Variants in TTLL11 observed in about 807,000 individuals in gnomAD.
The protein encoded by TTLL11 is tubulin polyglutamylase TTLL11.
A neutral mutation model predicts 51.7 loss-of-function variants in TTLL11; 42 were observed. The ratio of observed to expected loss-of-function variants is 0.81; its 90% confidence interval spans 0.64 to 1.05. The LOEUF is 1.05. TTLL11 is among the 50% of genes least tolerant of loss of function. The probability of loss-of-function intolerance (pLI) is 0.00; values close to 1 mark genes in which losing one functional copy is unlikely to be tolerated. For synonymous variants in TTLL11, 381 were observed against 383.5 expected (o/e 0.99, Z 0.08); for missense variants, 799 against 940.4 (o/e 0.85, Z 1.97).
chr9:122,091,454 T>C (rs1846256923), intron 1 of TTLL11, among the ~76,000 whole-genome samples: 1 of 152,176 alleles, frequency 6.6e-6, no homozygotes, highest in Non-Finnish European at 1.5e-5. Context: ...GCCCAGACAC[T>C]TGGAGTCAAA....
chr9:121,980,505 G>A (rs1842804245), intron 4 of TTLL11, among the ~76,000 whole-genome samples: 1 of 152,176 alleles, frequency 6.6e-6, no homozygotes, highest in Non-Finnish European at 1.5e-5. Flanking sequence ...CTCTGCAGTT[G>A]AACCAGCTAC....
chr9:121,851,207 A>G (rs1232324507), intron 8 of TTLL11, among the ~76,000 whole-genome samples: 1 of 152,180 alleles, frequency 6.6e-6, no homozygotes, highest in Non-Finnish European at 1.5e-5. Flanking sequence ...GAGCACAGGG[A>G]ATTTTTAGGG....
chr9:121,969,050 A>G (rs1842487492), intron 6 of TTLL11, among the ~76,000 whole-genome samples: 1 of 151,772 alleles, frequency 6.6e-6, no homozygotes, highest in Non-Finnish European at 1.5e-5. Flanking sequence ...TTGTATTTTT[A>G]GTAGAGATGG....
intron 2 of TTLL11, among the ~76,000 whole-genome samples, chr9:122,037,214 C>T (rs1366532405): frequency 6.6e-6 from 1 of 152,182 alleles, no homozygotes; most frequent in East Asian, 1.9e-4. Context: ...AGCGTTTTCT[C>T]TTCCAAACTG....
At chr9:121,991,511 T>C (rs926556188) in intron 3 of TTLL11, among the ~76,000 whole-genome samples, 3 of 152,196 alleles carry the variant, frequency 2.0e-5, no homozygotes, top group African/African-American at 4.8e-5. Context: ...TAAATATAAG[T>C]GTGCTGGACA....
At chr9:121,826,553 G>GTATATA (rs1385087890) in intron 8 of TTLL11, among the ~76,000 whole-genome samples, 10 of 45,204 alleles carry the variant, frequency 2.2e-4, no homozygotes, top group African/African-American at 1.6e-3. Flanking sequence ...ATATATATGT[G>GTATATA]TGTGTATATA....
At chr9:122,025,589 C>A (rs1396245252) in intron 3 of TTLL11, among the ~76,000 whole-genome samples, 2 of 152,298 alleles carry the variant, frequency 1.3e-5, no homozygotes, top group African/African-American at 4.8e-5. Context: ...CACTGCACTC[C>A]ATCCTGGGGG....
At chr9:122,062,635 A>G (rs903890221) in intron 1 of TTLL11, among the ~76,000 whole-genome samples, 1 of 151,224 alleles carries the variant, frequency 6.6e-6, no homozygotes, top group African/African-American at 2.4e-5. Context: ...TGCCTGGCTA[A>G]TTTTTGTATT....
At chr9:121,842,272 C>T (rs1002506326) in intron 8 of TTLL11, among the ~76,000 whole-genome samples, 2 of 151,444 alleles carry the variant, frequency 1.3e-5, no homozygotes, top group Admixed American at 1.3e-4. Flanking sequence ...AAAAAAGACA[C>T]GTGGTCTCTC....
At chr9:121,891,052 G>A (rs1839209961) in intron 6 of TTLL11, among the ~76,000 whole-genome samples, 1 of 152,138 alleles carries the variant, frequency 6.6e-6, no homozygotes, top group African/African-American at 2.4e-5. Context: ...CTGGTTTGTG[G>A]GGCCCCCTTC....
rs545388125 is a variant in TTLL11 at position 121,942,131 on chromosome 9, C to A, written c.1481+31878G>T. On this transcript the variant is annotated intron_variant, in intron 6 of 8. Coordinates refer to ENST00000321582, the MANE Select transcript of TTLL11 (RefSeq NM_001139442.2). ...CCAGCCTCTGCCATTCAGCCCCCAGCATCATCTACCATTCCTGCTCTTGCC... is the reference window on the plus strand; with the variant it reads ...CCAGCCTCTGCCATTCAGCCCCCAGAATCATCTACCATTCCTGCTCTTGCC... Among the ~76,000 whole-genome samples the A allele has an allele frequency of 2.0e-5, 3 of 152,322 alleles. No homozygotes were observed. In the South Asian group the frequency reaches 6.2e-4, roughly 32 times the overall value.
In TTLL11 at chr9:121,826,479, A is replaced by G. The variant is rs866131666; in HGVS notation, c.1841-3600T>C. Among the ~76,000 whole-genome samples the G allele has an allele frequency of 7.1e-3, 376 of 52,598 alleles. 10 individuals are homozygous for G. Among genetic ancestry groups the G allele is most frequent in the African/African-American group, 0.021 (322 of 15,224 alleles). 34.5% of individuals were successfully genotyped at this position (52,598 alleles called of 152,430 possible). On this transcript the variant is annotated intron_variant, in intron 8 of 8. Transcript: ENST00000321582. Reference sequence around the variant, plus strand: ...TATATATATGTGTGTATATATATATATGTATATATATATATGTGTGTGTAT... The same window carrying G: ...TATATATATGTGTGTATATATATATGTGTATATATATATATGTGTGTGTAT...
intron 3 of TTLL11, among the ~76,000 whole-genome samples, chr9:122,019,056 A>G (rs769828464): frequency 2.7e-4 from 41 of 152,046 alleles, no homozygotes; most frequent in Admixed American, 5.9e-4. Flanking sequence ...GACCCAGCAG[A>G]CTCCTGAAAG....
intron 1 of TTLL11, 27 bp from the exon 2 acceptor site, chr9:122,039,395 A>G (rs1481827777): frequency 1.3e-6 from 2 of 1,576,686 alleles, no homozygotes; most frequent in Admixed American, 3.3e-5. Flanking sequence ...GTGACTCGCA[A>G]TAAGAATAAG....
At chr9:121,955,585 A>C (rs1841993548) in intron 6 of TTLL11, among the ~76,000 whole-genome samples, 1 of 152,180 alleles carries the variant, frequency 6.6e-6, no homozygotes, top group African/African-American at 2.4e-5. Context: ...AAGTTAAATA[A>C]CTGCCCCAGA....
At chr9:121,832,921 C>G (rs993994989) in intron 8 of TTLL11, among the ~76,000 whole-genome samples, 1 of 152,202 alleles carries the variant, frequency 6.6e-6, no homozygotes, top group Non-Finnish European at 1.5e-5. Context: ...GCCTGGGCAA[C>G]AGAGTGAGAT....
chr9:122,060,154 A>T (rs1305337518), intron 1 of TTLL11, among the ~76,000 whole-genome samples: 1 of 152,194 alleles, frequency 6.6e-6, no homozygotes, highest in Non-Finnish European at 1.5e-5. Context: ...CTTATCATAG[A>T]CACAGGGTCC....
chr9:122,074,346 A>G (rs1015232916), intron 1 of TTLL11, among the ~76,000 whole-genome samples: 4 of 152,142 alleles, frequency 2.6e-5, no homozygotes, highest in Non-Finnish European at 5.9e-5. Flanking sequence ...TAACATATGG[A>G]ATATTTTTAC....
At chr9:121,873,398 T>C (rs1220986613) in intron 6 of TTLL11, among the ~76,000 whole-genome samples, 1 of 151,520 alleles carries the variant, frequency 6.6e-6, no homozygotes, top group African/African-American at 2.4e-5. Context: ...TTTTTTTTTT[T>C]TTTGGCTTCA....
Sources: allele counts gnomAD v4.1 joint callset (sites outside exome capture counted in the v4.1 genomes callset), GRCh38; gene constraint gnomAD v4.1.1; transcripts MANE v1.5; gene names NCBI Gene and HGNC (gene_info 2026-07-23, HGNC 2026-07-21).